The following KCNIP4 variants were observed in gnomAD, a reference collection of about 807,000 sequenced individuals.
KCNIP4 encodes Kv channel-interacting protein 4.
KCNIP4 carries 12 observed loss-of-function variants against 34.0 expected under a neutral mutation model. The observed-to-expected ratio is 0.35, with a 90% CI of 0.23 to 0.57. The LOEUF (loss-of-function observed/expected upper bound fraction) is 0.57, where lower values mean the gene tolerates loss of function less well. KCNIP4 is among the 20% of genes least tolerant of loss of function. The pLI, the probability that KCNIP4 is intolerant of heterozygous loss-of-function variation, is 0.83. For missense variants in KCNIP4, 238 were observed against 311.7 expected (o/e 0.76, Z 1.78); for synonymous variants, 124 against 102.2 (o/e 1.21, Z -1.29).
At position 21,389,313 on chromosome 4, in the gene KCNIP4, T is replaced by A. The variant is rs1027376368; in HGVS notation, c.62-506604A>T. On this transcript the variant is annotated intron_variant, in intron 1 of 8. Coordinates refer to ENST00000382152, the MANE Select transcript of KCNIP4 (RefSeq NM_025221.6). ...ATATATTCTCATCTCTATTTTTTTT[T>A]AAATTATACTTTAAGTTCTAGGGTA... Among the ~76,000 whole-genome samples the A allele has an allele frequency of 6.6e-5, 10 of 151,962 alleles. No individual in the cohort carries two copies. The East Asian group carries it at 7.7e-4, about 12-fold the overall frequency.
chr4:21,109,269 C>A (rs958925571), intron 1 of KCNIP4, among the ~76,000 whole-genome samples: 6 of 142,826 alleles, frequency 4.2e-5, no homozygotes, highest in African/African-American at 1.3e-4. Flanking sequence ...TCGAGCTTCC[C>A]GGCTGCTTTG....
intron 1 of KCNIP4, among the ~76,000 whole-genome samples, chr4:21,528,179 T>A (rs976402163): frequency 6.6e-6 from 1 of 152,168 alleles, no homozygotes; most frequent in Non-Finnish European, 1.5e-5. Context: ...GATGCTTTTT[T>A]AAACACTCAG....
intron 1 of KCNIP4, among the ~76,000 whole-genome samples, chr4:21,507,676 TC>T (rs1439688287): frequency 1.3e-5 from 2 of 152,212 alleles, no homozygotes; most frequent in Admixed American, 6.5e-5. Context: ...GAGGAAAAGT[TC>T]TTAAAATGAT....
At chr4:21,493,810 TTGG>T (rs1732617123) in intron 1 of KCNIP4, among the ~76,000 whole-genome samples, 1 of 152,142 alleles carries the variant, frequency 6.6e-6, no homozygotes, top group Non-Finnish European at 1.5e-5. Flanking sequence ...ACAAAGACAT[TTGG>T]CTTCTCTTTA....
At chr4:21,936,566 C>T (rs1351610493) in intron 1 of KCNIP4, among the ~76,000 whole-genome samples, 2 of 151,978 alleles carry the variant, frequency 1.3e-5, no homozygotes, top group Non-Finnish European at 2.9e-5. Context: ...TCAACAGAGA[C>T]CCAAATGAAG....
intron 1 of KCNIP4, among the ~76,000 whole-genome samples, chr4:20,926,078 CAT>C (rs1161589701): frequency 6.6e-6 from 1 of 152,128 alleles, no homozygotes; most frequent in African/African-American, 2.4e-5. Context: ...TTTATACAAA[CAT>C]ATTTTTTATA....
chr4:21,700,991 C>A (rs949653085), intron 1 of KCNIP4, among the ~76,000 whole-genome samples: 12 of 152,144 alleles, frequency 7.9e-5, no homozygotes, highest in East Asian at 1.9e-4. Context: ...AGCCAAGATA[C>A]AGAAGCAACC....
In KCNIP4 at chr4:21,556,930, A is replaced by AAAAACAAAAAAAAAAAAAC. The variant is rs757334653; in HGVS notation, c.61+391640_61+391641insGTTTTTTTTTTTTTGTTTT. The stretch of plus-strand genomic sequence containing the variant: ...AGCAAGACTCCATCTCAGAAAAAAA[A>AAAAACAAAAAAAAAAAAAC]AAAAAAAAAAAAACCAGAAAACAAA... On this transcript the variant is annotated intron_variant, in intron 1 of 8. Coordinates refer to ENST00000382152, the MANE Select transcript of KCNIP4 (RefSeq NM_025221.6). 1.8e-3 allele frequency among the ~76,000 whole-genome samples: 192 copies of AAAAACAAAAAAAAAAAAAC among 108,232 alleles called. 4 individuals carry two copies. Among genetic ancestry groups the AAAAACAAAAAAAAAAAAAC allele is most frequent in the African/African-American group, 5.7e-3 (177 of 31,114 alleles). 71.0% of individuals were successfully genotyped at this position (108,232 alleles called of 152,430 possible). A position where few individuals can be genotyped will look rare whatever the true frequency, so the allele number is the denominator to read the frequency against.
At chr4:21,392,663 TAAAG>T (rs1217956599) in intron 1 of KCNIP4, among the ~76,000 whole-genome samples, 4 of 152,224 alleles carry the variant, frequency 2.6e-5, no homozygotes, top group Non-Finnish European at 4.4e-5. Context: ...TTCATAGCTT[TAAAG>T]AAAGACATTT....
intron 1 of KCNIP4, among the ~76,000 whole-genome samples, chr4:21,372,795 C>G (rs1285567812): frequency 6.9e-6 from 1 of 145,906 alleles, no homozygotes; most frequent in Non-Finnish European, 1.5e-5. Flanking sequence ...TAATTAGATA[C>G]TAGATCAGGC....
chr4:21,311,453 G>A (rs1197597298), intron 1 of KCNIP4, among the ~76,000 whole-genome samples: 4 of 152,160 alleles, frequency 2.6e-5, no homozygotes, highest in African/African-American at 9.7e-5. Context: ...CACTTTGGGA[G>A]GCCTAGGTGG....
At chr4:20,857,044 TAAAA>T (rs35194977) in intron 2 of KCNIP4, among the ~76,000 whole-genome samples, 1 of 135,612 alleles carries the variant, frequency 7.4e-6, no homozygotes, top group Non-Finnish European at 1.6e-5. Flanking sequence ...CATGCAGTAT[TAAAA>T]AAAAAAAAAA....
At chr4:20,802,267 T>C (rs78657830) in intron 3 of KCNIP4, among the ~76,000 whole-genome samples, 7 of 75,222 alleles carry the variant, frequency 9.3e-5, no homozygotes, top group African/African-American at 2.0e-4. Context: ...ATATATGCTA[T>C]ATATATGCTA....
intron 1 of KCNIP4, among the ~76,000 whole-genome samples, chr4:21,757,494 T>C (rs1031521374): frequency 2.0e-5 from 3 of 152,144 alleles, no homozygotes; most frequent in African/African-American, 7.2e-5. Flanking sequence ...CATGATGTAA[T>C]GCCTCCTCTC....
chr4:20,795,100 C>T (rs1490147928), intron 3 of KCNIP4, among the ~76,000 whole-genome samples: 1 of 151,952 alleles, frequency 6.6e-6, no homozygotes, highest in Non-Finnish European at 1.5e-5. Context: ...TGATAAACAG[C>T]ATGAAAAAGA....
chr4:21,652,326 C>T (rs1331478403), intron 1 of KCNIP4, among the ~76,000 whole-genome samples: 2 of 152,144 alleles, frequency 1.3e-5, no homozygotes, highest in Non-Finnish European at 2.9e-5. Context: ...AACAGAGTGT[C>T]AGGCTCTTTG....
chr4:21,786,515 TTATTTA>T lies in KCNIP4; in HGVS notation c.61+162050_61+162055del, dbSNP rs1719923865. Among the ~76,000 whole-genome samples the T allele has an allele frequency of 7.0e-5, 9 of 129,062 alleles. 1 individual carries two copies. The South Asian group carries it at 2.1e-3, about 31-fold the overall frequency. The allele number at this position is 129,062 out of a possible 152,430, so 84.7% of individuals were successfully genotyped here. A position where few individuals can be genotyped will look rare whatever the true frequency, so the allele number is the denominator to read the frequency against. Reference sequence around the variant, plus strand: ...TGTTGTACCCAGGCTGTATGTTTATTTATTTATATGTTATTTGTCTACATTGAGTGA... The same window carrying T: ...TGTTGTACCCAGGCTGTATGTTTATTTATGTTATTTGTCTACATTGAGTGA... On this transcript the variant is annotated intron_variant, in intron 1 of 8. Coordinates refer to ENST00000382152, the MANE Select transcript of KCNIP4 (RefSeq NM_025221.6).
chr4:21,345,696 C>T (rs1471371775), intron 1 of KCNIP4, among the ~76,000 whole-genome samples: 1 of 152,100 alleles, frequency 6.6e-6, no homozygotes. Flanking sequence ...ACCAAATCAC[C>T]TCAACATTGC....
chr4:21,494,741 T>C (rs111517124), intron 1 of KCNIP4, among the ~76,000 whole-genome samples: 9,247 of 144,906 alleles, frequency 0.064, 735 homozygotes, highest in African/African-American at 0.18. Flanking sequence ...CCACTACACA[T>C]ACTCCAGCTT....
Sources: gnomAD v4.1 joint callset for allele counts (sites outside exome capture counted in the v4.1 genomes callset) on GRCh38, gnomAD v4.1.1 for gene constraint, MANE v1.5 for transcripts, NCBI Gene and HGNC (gene_info 2026-07-23, HGNC 2026-07-21) for gene names.